CSMD1: variants seen among roughly 807,000 people sequenced by gnomAD.
CSMD1 encodes the protein CUB and Sushi multiple domains 1.
CSMD1 carries 213 observed loss-of-function variants against 417.5 expected under a neutral mutation model. The ratio of observed to expected loss-of-function variants is 0.51; its 90% CI spans 0.46 to 0.57. CSMD1 has a LOEUF of 0.57. Among genes scored for constraint, CSMD1 ranks in the 20% least tolerant of loss-of-function variants. The probability of loss-of-function intolerance (pLI) is 0.00; values close to 1 mark genes in which losing one functional copy is unlikely to be tolerated. For synonymous variants in CSMD1, 2,862 were observed against 1,736.8 expected, an observed-to-expected ratio of 1.65 and a Z score of -16.11; for missense variants, 6,923 against 4,529.7, an observed-to-expected ratio of 1.53 and a Z score of -15.17.
chr8:4,559,957 A>C (rs1395185204), intron 2 of CSMD1, among the ~76,000 whole-genome samples: 1 of 152,130 alleles, frequency 6.6e-6, no homozygotes, highest in African/African-American at 2.4e-5. Context: ...CCCTGTAATC[A>C]CACGCTGTGG....
chr8:4,140,393 G>C (rs923583208), intron 3 of CSMD1, among the ~76,000 whole-genome samples: 3 of 150,914 alleles, frequency 2.0e-5, no homozygotes, highest in Non-Finnish European at 2.9e-5. Context: ...AGCTACTTCG[G>C]AGCCTGAAGC....
chr8:4,794,830 G>A (rs1797887102), intron 1 of CSMD1, among the ~76,000 whole-genome samples: 1 of 152,176 alleles, frequency 6.6e-6, no homozygotes, highest in Non-Finnish European at 1.5e-5. Flanking sequence ...TTACAATTTA[G>A]GAAAACTGAC....
chr8:3,725,602 G>C (rs998485160), intron 6 of CSMD1, among the ~76,000 whole-genome samples: 3 of 152,116 alleles, frequency 2.0e-5, no homozygotes, highest in Admixed American at 6.5e-5. Context: ...GATGGCTTAG[G>C]AGAGAGAAGG....
At chr8:4,228,930 G>C (rs144763738) in intron 3 of CSMD1, among the ~76,000 whole-genome samples, 80 of 152,186 alleles carry the variant, frequency 5.3e-4, no homozygotes, top group African/African-American at 1.9e-3. Flanking sequence ...GTCTCCAAAA[G>C]TGCTGGGATT....
At chr8:4,208,193 G>A (rs970314728) in intron 3 of CSMD1, among the ~76,000 whole-genome samples, 1 of 152,114 alleles carries the variant, frequency 6.6e-6, no homozygotes, top group African/African-American at 2.4e-5. Context: ...AATAGACTCA[G>A]CTATGGAACA....
At chr8:4,810,454 G>C (rs985373612) in intron 1 of CSMD1, among the ~76,000 whole-genome samples, 1 of 152,026 alleles carries the variant, frequency 6.6e-6, no homozygotes, top group Non-Finnish European at 1.5e-5. Context: ...TTCTTGCTTT[G>C]CCACCTAGTA....
rs749413348 is a variant in CSMD1 at position 3,380,802 on chromosome 8, G to C, written c.2782+6692C>G. On this transcript the variant is annotated intron_variant, in intron 18 of 69. Coordinates refer to ENST00000635120, the MANE Select transcript of CSMD1 (RefSeq NM_033225.6). ...AAATACCTAATGTAGATGATGGGTT[G>C]TTGGGTGCAGCAAAACACCATGGCG... Among the ~76,000 whole-genome samples, 3 of 152,056 alleles carry C rather than the reference G, an allele frequency of 2.0e-5. No individual in the cohort carries two copies. The South Asian group carries it at 6.2e-4, about 32-fold the overall frequency.
intron 5 of CSMD1, among the ~76,000 whole-genome samples, chr8:3,821,290 C>T (rs145312873): frequency 6.6e-6 from 1 of 152,258 alleles, no homozygotes; most frequent in African/African-American, 2.4e-5. Flanking sequence ...AATACATTAA[C>T]CAGCAACACA....
chr8:4,275,203 A>G (rs190291970), intron 3 of CSMD1, among the ~76,000 whole-genome samples: 63 of 152,232 alleles, frequency 4.1e-4, no homozygotes, highest in African/African-American at 1.4e-3. Context: ...TTTAAGATAA[A>G]TTATTGTCTA....
chr8:3,152,834 A>G (rs900257349), intron 39 of CSMD1, among the ~76,000 whole-genome samples: 3 of 152,228 alleles, frequency 2.0e-5, no homozygotes, highest in African/African-American at 4.8e-5. Context: ...CAGCTGCTGA[A>G]TGTGCGGAAG....
rs577048380 is a variant in CSMD1 at position 3,671,140 on chromosome 8, T to C, written c.1009+37274A>G. Among the ~76,000 whole-genome samples, 264 of 147,552 alleles carry C rather than the reference T, an allele frequency of 1.8e-3. 1 individual carries two copies. The highest frequency in any genetic ancestry group is 6.4e-3 in the African/African-American group (260 of 40,368). ...ATATGGGATATATATGTATGGGATA[T>C]ATGTATATGGGATATATATGTATAT... On this transcript the variant is annotated intron_variant, in intron 7 of 69. Transcript: ENST00000635120.
intron 2 of CSMD1, among the ~76,000 whole-genome samples, chr8:4,577,205 A>T (rs1465175957): frequency 6.6e-6 from 1 of 152,080 alleles, no homozygotes; most frequent in Non-Finnish European, 1.5e-5. Context: ...TTTTGAATGT[A>T]TCAAAATCAA....
chr8:3,149,319 T>C (rs1819048655), intron 40 of CSMD1, among the ~76,000 whole-genome samples: 1 of 152,190 alleles, frequency 6.6e-6, no homozygotes, highest in African/African-American at 2.4e-5. Flanking sequence ...ATAAATACAA[T>C]GTTTCCAGTT....
intron 5 of CSMD1, among the ~76,000 whole-genome samples, chr8:3,880,178 G>T (rs1027310126): frequency 6.6e-6 from 1 of 152,106 alleles, no homozygotes; most frequent in Non-Finnish European, 1.5e-5. Flanking sequence ...TTGGATTCAA[G>T]AATAGCCAAG....
chr8:3,984,801 C>T (rs1249482335), intron 5 of CSMD1, among the ~76,000 whole-genome samples: 3 of 143,178 alleles, frequency 2.1e-5, no homozygotes, highest in Non-Finnish European at 3.0e-5. Context: ...AAAGGGAGAT[C>T]ACACACACAA....
intron 1 of CSMD1, among the ~76,000 whole-genome samples, chr8:4,647,789 C>T (rs1472491867): frequency 1.3e-5 from 2 of 152,140 alleles, no homozygotes; most frequent in Non-Finnish European, 2.9e-5. Flanking sequence ...TGTGTATGTA[C>T]TGGATTTTCT....
rs77976445 is a variant in CSMD1 at position 4,951,210 on chromosome 8, G to T, written c.85+43122C>A. On this transcript the variant is annotated intron_variant, in intron 1 of 69. Transcript: ENST00000635120. The stretch of plus-strand genomic sequence containing the variant: ...CATGGTAGCCTGCAACATTCCATAT[G>T]GTCCACATTAATCCACAAAGAAACT... Among the ~76,000 whole-genome samples, 709 of 152,148 alleles carry T rather than the reference G, an allele frequency of 4.7e-3. 1 individual carries two copies. The highest frequency in any genetic ancestry group is 7.5e-3 in the Non-Finnish European group (511 of 68,006).
intron 5 of CSMD1, among the ~76,000 whole-genome samples, chr8:3,765,761 C>A (rs1013998205): frequency 6.6e-6 from 1 of 152,170 alleles, no homozygotes; most frequent in Non-Finnish European, 1.5e-5. Flanking sequence ...TGGCATCCTC[C>A]TTTTGTTTGC....
chr8:3,197,040 T>A (rs1385956497), intron 33 of CSMD1, among the ~76,000 whole-genome samples: 2 of 152,088 alleles, frequency 1.3e-5, no homozygotes, highest in Non-Finnish European at 2.9e-5. Flanking sequence ...TCAAGAAGTG[T>A]GGAAAACACA....
Sources: gnomAD v4.1 joint callset for allele counts (sites outside exome capture counted in the v4.1 genomes callset) on GRCh38, gnomAD v4.1.1 for gene constraint, MANE v1.5 for transcripts, NCBI Gene and HGNC (gene_info 2026-07-23, HGNC 2026-07-21) for gene names.